Variants in RUNX1T1 observed in about 807,000 individuals in gnomAD.
The protein encoded by RUNX1T1 is protein CBFA2T1.
Under a neutral mutation model 62.8 loss-of-function variants are expected in RUNX1T1, and 4 were observed. The observed-to-expected ratio is 0.06, with a 90% CI of 0.03 to 0.15. The LOEUF (loss-of-function observed/expected upper bound fraction) is 0.15, where lower values mean the gene tolerates loss of function less well. RUNX1T1 is among the 10% of genes least tolerant of loss of function. RUNX1T1 has a pLI of 1.00. For synonymous variants in RUNX1T1, 291 were observed against 286.0 expected (o/e 1.02, Z -0.18); for missense variants, 508 against 754.3 (o/e 0.67, Z 3.82).
At chr8:92,024,497 C>CAAAAAAAAAAAAAAAA (rs34547904) in intron 1 of RUNX1T1, among the ~76,000 whole-genome samples, 1 of 17,546 alleles carries the variant, frequency 5.7e-5, no homozygotes, top group African/African-American at 1.8e-4. Flanking sequence ...AACCCCAACT[C>CAAAAAAAAAAAAAAAA]AAAAAAAAAA....
chr8:91,960,277 C>G, exon 11 of RUNX1T1: 1 of 1,609,714 alleles, frequency 6.2e-7, no homozygotes, highest in Non-Finnish European at 8.5e-7. Context: ...GAAGGGGTTC[C>G]CGGGGTGGTT....
At position 91,959,656 on chromosome 8, in the gene RUNX1T1, TCTC is replaced by T. The variant is rs1450409744; in HGVS notation, c.*583_*585del. ...ACAGGAAAAAAACCGAACATCTGTG[TCTC>T]CTTCCAATCTGCTGCACATCTGCGC... On this transcript the variant is annotated 3_prime_UTR_variant, in exon 11 of 11. Coordinates refer to ENST00000396218, the Ensembl canonical transcript of RUNX1T1. The T allele has an allele frequency of 2.6e-5, 6 of 228,074 alleles. No homozygotes were observed. In the East Asian group the frequency reaches 3.7e-4, roughly 14 times the overall value. The allele number at this position is 228,074 out of a possible 1,614,324, so 14.1% of individuals were successfully genotyped here.
At chr8:92,079,418 A>G (rs1003936357) in intron 1 of RUNX1T1, among the ~76,000 whole-genome samples, 1 of 152,116 alleles carries the variant, frequency 6.6e-6, no homozygotes, top group African/African-American at 2.4e-5. Context: ...AAGCTTCACC[A>G]TTTCTTTGTA....
intron 5 of RUNX1T1, among the ~76,000 whole-genome samples, chr8:91,995,718 T>C (rs1474859055): frequency 6.6e-6 from 1 of 151,930 alleles, no homozygotes; most frequent in Non-Finnish European, 1.5e-5. Context: ...GCCCAAGAGA[T>C]TGAGGCTGCA....
chr8:91,989,314 G>C (rs1197803932), intron 6 of RUNX1T1, among the ~76,000 whole-genome samples: 1 of 152,032 alleles, frequency 6.6e-6, no homozygotes, highest in Non-Finnish European at 1.5e-5. Context: ...ACCATAATTT[G>C]TTGCTCATAC....
Position 92,095,370 on chromosome 8 carries a change from A to G in RUNX1T1, c.-86+4210T>C, listed in dbSNP as rs980743529. ...ACCTTCTGGCAAAGGAGCGCGGGAG[A>G]GCGGCCGCGGCCGAGGCGGCACCCA... On this transcript the variant is annotated intron_variant, in intron 1 of 11. Coordinates refer to the RUNX1T1 transcript ENST00000265814. 29 of 1,535,042 alleles carry G rather than the reference A, an allele frequency of 1.9e-5. No individual in the cohort carries two copies. In the Middle Eastern group the frequency reaches 1.3e-3, roughly 70 times the overall value.
intron 8 of RUNX1T1, among the ~76,000 whole-genome samples, chr8:91,983,133 C>T (rs1465826813): frequency 6.6e-6 from 1 of 151,316 alleles, no homozygotes; most frequent in Non-Finnish European, 1.5e-5. Context: ...AGGGGTTTCA[C>T]CATGTTGGCC....
chr8:91,992,960 A>G (rs28428620), intron 5 of RUNX1T1, among the ~76,000 whole-genome samples: 3,487 of 152,324 alleles, frequency 0.023, 78 homozygotes, highest in Non-Finnish European at 0.038. Flanking sequence ...TAATATATTC[A>G]ATAAGATAGA....
exon 5 of RUNX1T1, chr8:92,005,252 G>C (rs1378928806): frequency 6.2e-7 from 1 of 1,613,530 alleles, no homozygotes; most frequent in Non-Finnish European, 8.5e-7. Flanking sequence ...TGTTTGGCCA[G>C]TCTTGCGCAG....
intron 1 of RUNX1T1, 101 bp from the exon 2 acceptor site, chr8:92,076,238 G>T: frequency 4.5e-6 from 4 of 884,852 alleles, no homozygotes; most frequent in South Asian, 4.6e-5. Flanking sequence ...GTTTTGTTAT[G>T]TTTTGTTTAA....
At chr8:92,007,900 C>T (rs554046449) in intron 4 of RUNX1T1, among the ~76,000 whole-genome samples, 1 of 143,776 alleles carries the variant, frequency 7.0e-6, no homozygotes, top group Non-Finnish European at 1.5e-5. Flanking sequence ...CCCAAGAGGT[C>T]GAGGCTCCAA....
chr8:92,039,046 C>T (rs1479201567), intron 1 of RUNX1T1, among the ~76,000 whole-genome samples: 1 of 152,094 alleles, frequency 6.6e-6, no homozygotes, highest in Admixed American at 6.5e-5. Flanking sequence ...GGGCTCCATC[C>T]ACTTTGCAAT....
intron 6 of RUNX1T1, among the ~76,000 whole-genome samples, chr8:91,989,953 A>T (rs1817322840): frequency 1.3e-5 from 2 of 152,198 alleles, no homozygotes; most frequent in South Asian, 4.1e-4. Context: ...AAACGTAGAA[A>T]TTACTGTTGT....
At chr8:92,070,076 C>A (rs544480270) in intron 2 of RUNX1T1, among the ~76,000 whole-genome samples, 3 of 152,228 alleles carry the variant, frequency 2.0e-5, no homozygotes, top group African/African-American at 7.2e-5. Context: ...CAGTGCAAGT[C>A]TCCAAACCCA....
chr8:91,990,770 G>A (rs1157736896), intron 6 of RUNX1T1, among the ~76,000 whole-genome samples: 1 of 151,558 alleles, frequency 6.6e-6, no homozygotes, highest in African/African-American at 2.4e-5. Flanking sequence ...CGATCCTCCT[G>A]CCTCAGCCCC....
chr8:91,989,222 T>A (rs919692127), intron 6 of RUNX1T1, among the ~76,000 whole-genome samples: 6 of 152,208 alleles, frequency 3.9e-5, no homozygotes, highest in Non-Finnish European at 8.8e-5. Context: ...TCCCTACACA[T>A]AATAGGCATT....
chr8:92,062,234 ACTT>A (rs367725268), intron 1 of RUNX1T1, among the ~76,000 whole-genome samples: 124 of 152,302 alleles, frequency 8.1e-4, no homozygotes, highest in Middle Eastern at 3.4e-3. Flanking sequence ...CAGAAACAAT[ACTT>A]CTTACTTGAG....
intron 5 of RUNX1T1, among the ~76,000 whole-genome samples, chr8:91,995,913 AT>A (rs1394597852): frequency 3.3e-5 from 5 of 152,250 alleles, no homozygotes; most frequent in Admixed American, 2.6e-4. Flanking sequence ...TATTCAAAGC[AT>A]GTATGTTCAG....
chr8:92,071,139 T>C (rs1833612177), intron 2 of RUNX1T1: 1 of 152,152 alleles, frequency 6.6e-6, no homozygotes, highest in Admixed American at 6.5e-5. Flanking sequence ...CGTCAAAGAG[T>C]ATGGCCCTTC....
Sources: gnomAD v4.1 joint callset for allele counts (sites outside exome capture counted in the v4.1 genomes callset) on GRCh38, gnomAD v4.1.1 for gene constraint, MANE v1.5 for transcripts, NCBI Gene and HGNC (gene_info 2026-07-23, HGNC 2026-07-21) for gene names.